The following PRKN variants were observed in gnomAD, a reference collection of about 807,000 sequenced individuals.
PRKN encodes parkin RBR E3 ubiquitin protein ligase, also known as E3 ubiquitin-protein ligase parkin.
In PRKN, 56 loss-of-function variants were observed where a neutral mutation model predicts 59.5. That is an observed-to-expected ratio of 0.94 (90% confidence interval 0.76 to 1.18). The LOEUF is 1.18. Among genes scored for constraint, PRKN ranks in the 50% most tolerant of loss-of-function variants. The probability of loss-of-function intolerance (pLI) is 0.00; values close to 1 mark genes in which losing one functional copy is unlikely to be tolerated. For synonymous variants in PRKN, 250 were observed against 222.1 expected (o/e 1.13, Z -1.12); for missense variants, 657 against 596.4 (o/e 1.10, Z -1.06).
rs530863644 is a variant in PRKN, at chr6:161,358,897, C to T, written c.1285+1191G>A. On this transcript the variant is annotated intron_variant, in intron 11 of 11. Transcript: ENST00000366898. ...GCAAGCTCTGCCTCCCGGGTTCACA[C>T]CATTCTCCTGCCTCAGCCTCCAGAG... is the stretch of plus-strand genomic sequence containing the variant. 7.4e-3 allele frequency among the ~76,000 whole-genome samples: 1,100 copies of T among 149,326 alleles called. 5 individuals carry two copies. Among genetic ancestry groups the T allele is most frequent in the Non-Finnish European group, 0.01 (697 of 67,530 alleles).
At chr6:162,021,453 ATATATATATT>A (rs1197159457) in intron 5 of PRKN, among the ~76,000 whole-genome samples, 308 of 10,366 alleles carry the variant, frequency 0.03, 1 homozygote, top group Admixed American at 0.052. Context: ...ATATATATAT[ATATATATATT>A]TTTTTTTTTT....
chr6:161,780,664 G>A lies in PRKN; in HGVS notation c.871+5108C>T, dbSNP rs556568672. On this transcript the variant is annotated intron_variant, in intron 7 of 11. Coordinates refer to ENST00000366898, the MANE Select transcript of PRKN (RefSeq NM_004562.3). Reference sequence around the variant, plus strand: ...ATAGAAGTAATAATCTAAACATGAGGAAAATGAGAAAACGGCAACACTGAC... The same window carrying A: ...ATAGAAGTAATAATCTAAACATGAGAAAAATGAGAAAACGGCAACACTGAC... 5.9e-3 allele frequency among the ~76,000 whole-genome samples: 900 copies of A among 152,188 alleles called. 4 individuals are homozygous for A. Among genetic ancestry groups the A allele is most frequent in the Non-Finnish European group, 8.3e-3 (566 of 67,992 alleles).
chr6:161,981,022 T>G (rs565093231), intron 5 of PRKN, among the ~76,000 whole-genome samples: 1 of 152,254 alleles, frequency 6.6e-6, no homozygotes, highest in Non-Finnish European at 1.5e-5. Flanking sequence ...GTCAAAAGAC[T>G]ATCCATCCAA....
At chr6:161,785,565 A>G (rs1197591979) in intron 7 of PRKN, among the ~76,000 whole-genome samples, 1 of 152,188 alleles carries the variant, frequency 6.6e-6, no homozygotes, top group Non-Finnish European at 1.5e-5. Flanking sequence ...CTTTATGCAA[A>G]TAATGCATTT....
intron 4 of PRKN, among the ~76,000 whole-genome samples, chr6:162,169,598 T>G (rs1783162639): frequency 1.3e-5 from 2 of 152,188 alleles, no homozygotes; most frequent in Admixed American, 6.5e-5. Context: ...CTGATGAAAA[T>G]ACACACGATA....
At chr6:162,316,350 G>A (rs989516371) in intron 2 of PRKN, among the ~76,000 whole-genome samples, 6 of 152,012 alleles carry the variant, frequency 3.9e-5, no homozygotes, top group African/African-American at 1.2e-4. Context: ...GGCTTATGAA[G>A]TTGGCTTTGC....
At chr6:162,604,813 T>G (rs1036100480) in intron 1 of PRKN, among the ~76,000 whole-genome samples, 1 of 151,922 alleles carries the variant, frequency 6.6e-6, no homozygotes, top group East Asian at 1.9e-4. Flanking sequence ...TGAAATTGAT[T>G]TGAAACCCCA....
chr6:162,375,957 A>T (rs925821104), intron 2 of PRKN, among the ~76,000 whole-genome samples: 1 of 151,980 alleles, frequency 6.6e-6, no homozygotes, highest in African/African-American at 2.4e-5. Context: ...ATGTGTACAC[A>T]CTCTTCAAAA....
At chr6:161,557,916 C>T (rs985046768) in intron 8 of PRKN, among the ~76,000 whole-genome samples, 5 of 152,124 alleles carry the variant, frequency 3.3e-5, no homozygotes, top group African/African-American at 1.2e-4. Context: ...TGCTTCCCCA[C>T]ACCACTCCAT....
chr6:161,950,834 C>T (rs772760459), intron 6 of PRKN, among the ~76,000 whole-genome samples: 29 of 151,512 alleles, frequency 1.9e-4, no homozygotes, highest in Non-Finnish European at 3.7e-4. Context: ...ACTGCGTCTT[C>T]GAGAGTTGTA....
At chr6:161,585,156 T>G (rs1205885535) in intron 7 of PRKN, among the ~76,000 whole-genome samples, 2 of 152,334 alleles carry the variant, frequency 1.3e-5, no homozygotes, top group Admixed American at 1.3e-4. Context: ...AGAGTGTGAG[T>G]TAAGCACTAA....
intron 2 of PRKN, among the ~76,000 whole-genome samples, chr6:162,422,719 C>T (rs1014094262): frequency 3.3e-5 from 5 of 151,792 alleles, no homozygotes; most frequent in South Asian, 2.1e-4. Context: ...CTGAGGCGGG[C>T]GGATTGCCTG....
Position 161,412,644 on chromosome 6 carries a change from C to T in PRKN, c.1084-25767G>A, listed in dbSNP as rs535540195. 9.2e-5 allele frequency among the ~76,000 whole-genome samples: 14 copies of T among 151,912 alleles called. No homozygotes were observed. In the South Asian group the frequency reaches 2.9e-3, roughly 32 times the overall value. The stretch of plus-strand genomic sequence containing the variant: ...CACTCATTCCTCGGCTCACTCATTC[C>T]TCCACTCACTCATTCCTTCCTCACT... On this transcript the variant is annotated intron_variant, in intron 9 of 11. Transcript: ENST00000366898.
intron 9 of PRKN, among the ~76,000 whole-genome samples, chr6:161,477,078 A>T (rs1285605289): frequency 6.6e-6 from 1 of 152,240 alleles, no homozygotes; most frequent in Non-Finnish European, 1.5e-5. Flanking sequence ...CACTTAACTC[A>T]CCAGTGTGGT....
intron 4 of PRKN, among the ~76,000 whole-genome samples, chr6:162,148,259 C>A (rs1782113259): frequency 6.6e-6 from 1 of 152,050 alleles, no homozygotes. Flanking sequence ...CTACTTTAAC[C>A]AACCAGTATT....
chr6:161,755,335 C>A (rs1008475007), intron 7 of PRKN, among the ~76,000 whole-genome samples: 1 of 152,020 alleles, frequency 6.6e-6, no homozygotes, highest in Non-Finnish European at 1.5e-5. Flanking sequence ...ACACTATCTC[C>A]ATAACTCTGC....
chr6:162,331,375 A>G (rs1783564691), intron 2 of PRKN, among the ~76,000 whole-genome samples: 1 of 152,172 alleles, frequency 6.6e-6, no homozygotes, highest in Non-Finnish European at 1.5e-5. Flanking sequence ...AGGTCTCAGA[A>G]AAGTACACAG....
intron 1 of PRKN, among the ~76,000 whole-genome samples, chr6:162,597,841 G>A (rs1781552285): frequency 6.6e-6 from 1 of 152,114 alleles, no homozygotes; most frequent in African/African-American, 2.4e-5. Flanking sequence ...TTATTCCTGT[G>A]ATTATAGGTA....
rs543533671 is a variant in PRKN, at chr6:161,491,359, G to A, written c.1083+57495C>T. On this transcript the variant is annotated intron_variant, in intron 9 of 11. Coordinates refer to ENST00000366898, the MANE Select transcript of PRKN (RefSeq NM_004562.3). ...CAGGGAGCGTGAGAGGGCGTTGATG[G>A]GGTTTGTTTCAGGATGCTCTACTGC... 1.3e-4 allele frequency among the ~76,000 whole-genome samples: 20 copies of A among 152,270 alleles called. 1 individual carries two copies. The South Asian group carries it at 3.5e-3, about 27-fold the overall frequency.
Sources: allele counts gnomAD v4.1 joint callset (sites outside exome capture counted in the v4.1 genomes callset), GRCh38; gene constraint gnomAD v4.1.1; transcripts MANE v1.5; gene names NCBI Gene and HGNC (gene_info 2026-07-23, HGNC 2026-07-21).